The following MTMR2 variants were observed in gnomAD, a reference collection of about 807,000 sequenced individuals.
The protein encoded by MTMR2 is phosphatidylinositol-3,5-bisphosphate 3-phosphatase MTMR2.
A neutral mutation model predicts 86.9 loss-of-function variants in MTMR2; 55 were observed. The ratio of observed to expected loss-of-function variants is 0.63; its 90% CI spans 0.51 to 0.79. MTMR2 has a LOEUF of 0.79. MTMR2 is among the 30% of genes least tolerant of loss of function. The pLI, the probability that MTMR2 is intolerant of heterozygous loss-of-function variation, is 0.00. For synonymous variants in MTMR2, 241 were observed against 266.8 expected (o/e 0.90, Z 0.94); for missense variants, 659 against 772.3 (o/e 0.85, Z 1.74).
chr11:95,891,892 CAGAG>C (rs1865729286), intron 1 of MTMR2, among the ~76,000 whole-genome samples: 3 of 151,880 alleles, frequency 2.0e-5, no homozygotes, highest in East Asian at 3.9e-4. Context: ...GAGAGGGAGA[CAGAG>C]AGAGCATGAG....
At chr11:95,860,111 C>G (rs1230886093) in intron 5 of MTMR2, among the ~76,000 whole-genome samples, 1 of 152,106 alleles carries the variant, frequency 6.6e-6, no homozygotes, top group African/African-American at 2.4e-5. Context: ...ATATTCTATG[C>G]ACTACTTACT....
Position 95,924,018 on chromosome 11 carries a change from C to G in MTMR2, c.-64G>C. 6.5e-7 allele frequency: 1 copy of G among 1,540,676 alleles called. No individual in the cohort carries two copies. The highest frequency in any genetic ancestry group is 1.4e-5 in the African/African-American group (1 of 73,002). Reference sequence around the variant, plus strand: ...CTTCGCGGCTACAGGGCGGGAGAAGCGGAGGGCGGAGTGCTACGGACCGGG... The same window carrying G: ...CTTCGCGGCTACAGGGCGGGAGAAGGGGAGGGCGGAGTGCTACGGACCGGG... On this transcript the variant is annotated 5_prime_UTR_variant, in exon 1 of 15. Coordinates refer to ENST00000346299, the MANE Select transcript of MTMR2 (RefSeq NM_016156.6).
intron 2 of MTMR2, among the ~76,000 whole-genome samples, chr11:95,872,520 C>T (rs569934999): frequency 1.1e-4 from 16 of 152,050 alleles, no homozygotes; most frequent in South Asian, 2.1e-4. Context: ...TGGGCTGAGA[C>T]GATGGGGTTT....
chr11:95,880,399 T>C (rs1865282440), intron 2 of MTMR2, among the ~76,000 whole-genome samples: 1 of 152,134 alleles, frequency 6.6e-6, no homozygotes, highest in African/African-American at 2.4e-5. Flanking sequence ...ATTTATCACG[T>C]ACACAAATAA....
intron 1 of MTMR2, among the ~76,000 whole-genome samples, chr11:95,920,415 C>G (rs1866873434): frequency 6.6e-6 from 1 of 151,942 alleles, no homozygotes; most frequent in Non-Finnish European, 1.5e-5. Context: ...TCAAGTAATT[C>G]TGGTACCTCA....
chr11:95,905,331 G>GCGCGCA (rs928252045), intron 1 of MTMR2, among the ~76,000 whole-genome samples: 1 of 147,992 alleles, frequency 6.8e-6, no homozygotes, highest in Non-Finnish European at 1.5e-5. Flanking sequence ...ACGCACCTGC[G>GCGCGCA]CACACACACA....
chr11:95,918,739 T>C (rs1866800326), intron 1 of MTMR2, among the ~76,000 whole-genome samples: 1 of 152,222 alleles, frequency 6.6e-6, no homozygotes, highest in African/African-American at 2.4e-5. Context: ...TCAGCAGACA[T>C]GCCAAGAGTG....
chr11:95,847,683 CTTTG>C (rs775320002), intron 10 of MTMR2, 27 bp downstream of exon 10: 40 of 1,576,150 alleles, frequency 2.5e-5, no homozygotes, highest in Middle Eastern at 3.3e-4. Context: ...TAGAGAGAGT[CTTTG>C]TTTGGGATAT....
Position 95,924,043 on chromosome 11 carries a change from G to GGCCGCAGTCAGGCCAGC in MTMR2, c.-106_-90dup, listed in dbSNP as rs1267046732. ...CGGAGGGCGGAGTGCTACGGACCGG[G>GGCCGCAGTCAGGCCAGC]GCCGCAGTCAGGCCAGCGCCGGCCC... On this transcript the variant is annotated 5_prime_UTR_variant, in exon 1 of 15. Coordinates refer to ENST00000346299, the MANE Select transcript of MTMR2 (RefSeq NM_016156.6). 25 of 1,507,402 alleles carry GGCCGCAGTCAGGCCAGC rather than the reference G, an allele frequency of 1.7e-5. No individual in the cohort carries two copies. The African/African-American group carries it at 2.5e-4, about 15-fold the overall frequency. The allele number at this position is 1,507,402 out of a possible 1,614,324, so 93.4% of individuals were successfully genotyped here. A position where few individuals can be genotyped will look rare whatever the true frequency, so the allele number is the denominator to read the frequency against.
At chr11:95,884,181 A>T (rs1447479005) in intron 2 of MTMR2, among the ~76,000 whole-genome samples, 1 of 152,214 alleles carries the variant, frequency 6.6e-6, no homozygotes, top group Non-Finnish European at 1.5e-5. Context: ...TAATTAAAAC[A>T]CTACCATTTT....
At chr11:95,898,617 TTTATA>T (rs1865963423) in intron 1 of MTMR2, among the ~76,000 whole-genome samples, 1 of 152,134 alleles carries the variant, frequency 6.6e-6, no homozygotes, top group South Asian at 2.1e-4. Flanking sequence ...TTGGGTGTTG[TTTATA>T]TTATGTGATT....
chr11:95,847,932 A>T (rs761378364), intron 9 of MTMR2, 33 bp from the exon 10 acceptor site: 1 of 1,558,088 alleles, frequency 6.4e-7, no homozygotes, highest in South Asian at 1.1e-5. Context: ...GAAAATCATA[A>T]ATGAATGCAC....
At chr11:95,918,790 C>T (rs1219543529) in intron 1 of MTMR2, among the ~76,000 whole-genome samples, 1 of 152,184 alleles carries the variant, frequency 6.6e-6, no homozygotes, top group Non-Finnish European at 1.5e-5. Flanking sequence ...TACACAAATC[C>T]ATCACCACTA....
intron 1 of MTMR2, among the ~76,000 whole-genome samples, chr11:95,916,106 C>A (rs576152385): frequency 1.7e-4 from 26 of 152,254 alleles, no homozygotes; most frequent in Middle Eastern, 3.4e-3. Context: ...ATCGCATTTG[C>A]AGCTCTAAGG....
chr11:95,919,889 A>G (rs1866851401), intron 1 of MTMR2, among the ~76,000 whole-genome samples: 1 of 152,168 alleles, frequency 6.6e-6, no homozygotes, highest in Non-Finnish European at 1.5e-5. Flanking sequence ...GCACAATACA[A>G]ACTAATCAAA....
At chr11:95,885,610 A>G (rs1039165120) in intron 2 of MTMR2, among the ~76,000 whole-genome samples, 1 of 152,160 alleles carries the variant, frequency 6.6e-6, no homozygotes, top group Non-Finnish European at 1.5e-5. Context: ...TGAGTCCATA[A>G]TAAGATAAAT....
At chr11:95,841,481 T>G in intron 12 of MTMR2, 136 bp downstream of exon 12, 1 of 750,614 alleles carries the variant, frequency 1.3e-6, no homozygotes, top group Non-Finnish European at 2.4e-6. Flanking sequence ...TGACAATAAA[T>G]AGCTCTCACA....
At chr11:95,917,612 G>A (rs954652091) in intron 1 of MTMR2, among the ~76,000 whole-genome samples, 2 of 152,034 alleles carry the variant, frequency 1.3e-5, no homozygotes, top group African/African-American at 2.4e-5. Flanking sequence ...GAAGCTTTAC[G>A]GATAACATAA....
chr11:95,848,501 TAGAATG>T (rs1472282296), intron 9 of MTMR2, among the ~76,000 whole-genome samples: 1 of 152,138 alleles, frequency 6.6e-6, no homozygotes, highest in African/African-American at 2.4e-5. Context: ...ATCTACAAAA[TAGAATG>T]AGAAAATATT....
Sources: allele counts gnomAD v4.1 joint callset (sites outside exome capture counted in the v4.1 genomes callset), GRCh38; gene constraint gnomAD v4.1.1; transcripts MANE v1.5; gene names NCBI Gene and HGNC (gene_info 2026-07-23, HGNC 2026-07-21).